DAB1: variants seen among roughly 807,000 people sequenced by gnomAD.
The protein encoded by DAB1 is disabled homolog 1.
DAB1 carries 15 observed loss-of-function variants against 64.6 expected under a neutral mutation model. The observed-to-expected ratio is 0.23, with a 90% CI of 0.16 to 0.36. The LOEUF (loss-of-function observed/expected upper bound fraction) is 0.36, where lower values mean the gene tolerates loss of function less well. DAB1 is among the 10% of genes least tolerant of loss of function. The pLI is 1.00. For synonymous variants in DAB1, 235 were observed against 251.9 expected (o/e 0.93, Z 0.64); for missense variants, 596 against 706.7 (o/e 0.84, Z 1.78).
chr1:58,163,297 A>T (rs1280394983), intron 4 of DAB1, among the ~76,000 whole-genome samples: 1 of 152,228 alleles, frequency 6.6e-6, no homozygotes, highest in African/African-American at 2.4e-5. Context: ...TCCGGTTCTC[A>T]GAGCAAGCAA....
At chr1:57,196,274 G>T (rs1259825156) in intron 2 of DAB1, among the ~76,000 whole-genome samples, 1 of 152,216 alleles carries the variant, frequency 6.6e-6, no homozygotes, top group Non-Finnish European at 1.5e-5. Flanking sequence ...AGTACTCTCT[G>T]TTGAAGGTGG....
intron 6 of DAB1, among the ~76,000 whole-genome samples, chr1:57,742,413 C>A (rs3118043): frequency 0.27 from 41,738 of 152,018 alleles, 6,775 homozygotes; most frequent in East Asian, 0.47. Context: ...GAAAAACCAG[C>A]AAAGTCACCC....
intron 2 of DAB1, among the ~76,000 whole-genome samples, chr1:57,175,315 A>ATT (rs35191101): frequency 1.4e-4 from 20 of 143,978 alleles, no homozygotes; most frequent in East Asian, 1.0e-3. Flanking sequence ...CAGACTTTAA[A>ATT]TTTTTTTTTT....
At chr1:57,271,214 G>C (rs1670969597) in intron 2 of DAB1, among the ~76,000 whole-genome samples, 1 of 152,136 alleles carries the variant, frequency 6.6e-6, no homozygotes, top group Admixed American at 6.5e-5. Flanking sequence ...TGAACACATA[G>C]GGTGCCGGAT....
At chr1:58,380,630 C>G (rs1327386501) in intron 3 of DAB1, among the ~76,000 whole-genome samples, 1 of 152,120 alleles carries the variant, frequency 6.6e-6, no homozygotes, top group Non-Finnish European at 1.5e-5. Flanking sequence ...ATCAGCTTTT[C>G]TTAGAAGATA....
intron 1 of DAB1, among the ~76,000 whole-genome samples, chr1:57,302,020 C>T (rs914539016): frequency 6.6e-6 from 1 of 152,238 alleles, no homozygotes; most frequent in East Asian, 1.9e-4. Context: ...TACCACCTTC[C>T]TTTTGACAAA....
intron 5 of DAB1, among the ~76,000 whole-genome samples, chr1:58,086,361 TAA>T (rs1403420197): frequency 7.9e-5 from 12 of 152,274 alleles, no homozygotes; most frequent in Non-Finnish European, 1.6e-4. Flanking sequence ...CATTGTTGTT[TAA>T]AGAGTATTTC....
intron 3 of DAB1, among the ~76,000 whole-genome samples, chr1:58,367,272 A>G (rs546003711): frequency 6.6e-6 from 1 of 152,326 alleles, no homozygotes; most frequent in East Asian, 1.9e-4. Flanking sequence ...TTTCTTTTGC[A>G]CAATAGCACT....
intron 6 of DAB1, among the ~76,000 whole-genome samples, chr1:57,791,405 C>G (rs1410929746): frequency 1.3e-5 from 2 of 152,176 alleles, no homozygotes; most frequent in African/African-American, 2.4e-5. Context: ...CTACCAGTTA[C>G]TAGGCTTGAC....
intron 7 of DAB1, among the ~76,000 whole-genome samples, chr1:57,493,764 TCACACACA>T (rs397963642): frequency 6.8e-6 from 1 of 148,140 alleles, no homozygotes; most frequent in Non-Finnish European, 1.5e-5. Context: ...TATTCACAGC[TCACACACA>T]CACACACACA....
intron 5 of DAB1, among the ~76,000 whole-genome samples, chr1:57,894,036 T>C (rs556745919): frequency 6.6e-6 from 1 of 152,040 alleles, no homozygotes; most frequent in African/African-American, 2.4e-5. Flanking sequence ...TCCCAAGCAC[T>C]AGCAGGCCAC....
At chr1:58,373,617 A>G (rs1378364566) in intron 3 of DAB1, among the ~76,000 whole-genome samples, 3 of 152,048 alleles carry the variant, frequency 2.0e-5, no homozygotes, top group African/African-American at 4.8e-5. Context: ...ATTGTGAATA[A>G]TGCCGCAATA....
intron 1 of DAB1, among the ~76,000 whole-genome samples, chr1:57,837,448 ATCATATCTGACC>A (rs752969853): frequency 2.0e-5 from 3 of 152,046 alleles, no homozygotes; most frequent in Non-Finnish European, 4.4e-5. Flanking sequence ...TTTGCTCCAA[ATCATATCTGACC>A]TCATACATAT....
intron 5 of DAB1, chr1:58,150,431 C>T (rs192922924): frequency 3.3e-5 from 5 of 152,232 alleles, no homozygotes; most frequent in Admixed American, 2.6e-4. Context: ...CTTCTCCCCA[C>T]CTGATAAGTA....
intron 6 of DAB1, among the ~76,000 whole-genome samples, chr1:57,773,496 A>G (rs1269746888): frequency 1.3e-5 from 2 of 152,046 alleles, no homozygotes; most frequent in Admixed American, 6.6e-5. Context: ...TTCAAGAACA[A>G]AAGTTTTTAA....
At chr1:58,006,279 C>A (rs1646581633) in intron 5 of DAB1, among the ~76,000 whole-genome samples, 2 of 152,130 alleles carry the variant, frequency 1.3e-5, no homozygotes, top group South Asian at 4.1e-4. Flanking sequence ...GAGTGACTGG[C>A]AAGTTACTTC....
intron 1 of DAB1, among the ~76,000 whole-genome samples, chr1:57,316,123 T>A (rs1675185803): frequency 6.6e-6 from 1 of 152,148 alleles, no homozygotes; most frequent in African/African-American, 2.4e-5. Context: ...ACATTATGAA[T>A]CTATAAGGCA....
chr1:58,407,264 G>A (rs1321441701), intron 3 of DAB1, among the ~76,000 whole-genome samples: 1 of 152,104 alleles, frequency 6.6e-6, no homozygotes, highest in East Asian at 1.9e-4. Context: ...CCCAGACACC[G>A]TGGCACCCCT....
chr1:58,523,361 T>C (rs1359618696), intron 2 of DAB1, among the ~76,000 whole-genome samples: 2 of 152,246 alleles, frequency 1.3e-5, no homozygotes, highest in African/African-American at 2.4e-5. Context: ...TCTATAACAA[T>C]GATGGAATCT....
Sources: gnomAD v4.1 joint callset for allele counts (sites outside exome capture counted in the v4.1 genomes callset) on GRCh38, gnomAD v4.1.1 for gene constraint, MANE v1.5 for transcripts, NCBI Gene and HGNC (gene_info 2026-07-23, HGNC 2026-07-21) for gene names.